The following CAMK1D variants were observed in gnomAD, a reference collection of about 807,000 sequenced individuals.
CAMK1D encodes the protein calcium/calmodulin dependent protein kinase ID, also known as calcium/calmodulin-dependent protein kinase type 1D.
Under a neutral mutation model 47.7 loss-of-function variants are expected in CAMK1D, and 9 were observed. That is an observed-to-expected ratio of 0.19 (90% confidence interval 0.11 to 0.33). The LOEUF (loss-of-function observed/expected upper bound fraction) is 0.33. CAMK1D is among the 10% of genes least tolerant of loss of function. CAMK1D has a pLI of 1.00. For synonymous variants in CAMK1D, 184 were observed against 184.9 expected (o/e 0.99, Z 0.04); for missense variants, 291 against 488.7 (o/e 0.60, Z 3.81).
chr10:12,370,839 G>A (rs945631528), intron 1 of CAMK1D, among the ~76,000 whole-genome samples: 3 of 151,998 alleles, frequency 2.0e-5, no homozygotes, highest in Non-Finnish European at 4.4e-5. Flanking sequence ...AACTCCTGAC[G>A]TCAGGTGATC....
chr10:12,482,563 G>C (rs1023950090), intron 1 of CAMK1D, among the ~76,000 whole-genome samples: 3 of 152,092 alleles, frequency 2.0e-5, no homozygotes, highest in African/African-American at 7.2e-5. Flanking sequence ...GAATAGCAGA[G>C]AAAATGAAAA....
intron 1 of CAMK1D, among the ~76,000 whole-genome samples, chr10:12,376,162 C>CAAAAAAAAAAAAAAA (rs59804213): frequency 3.8e-4 from 23 of 59,970 alleles, no homozygotes; most frequent in Admixed American, 1.1e-3. Flanking sequence ...GACTCTGTCC[C>CAAAAAAAAAAAAAAA]AAAAAAAAAA....
intron 1 of CAMK1D, among the ~76,000 whole-genome samples, chr10:12,498,936 A>G (rs1834620696): frequency 1.3e-5 from 2 of 152,266 alleles, no homozygotes. Flanking sequence ...ATGTCATCTA[A>G]TTAAGGATTT....
intron 6 of CAMK1D, among the ~76,000 whole-genome samples, chr10:12,792,822 C>T (rs1838036350): frequency 1.3e-5 from 2 of 152,186 alleles, no homozygotes. Context: ...TAACATATTG[C>T]ACTTACAGAA....
intron 1 of CAMK1D, among the ~76,000 whole-genome samples, chr10:12,443,144 C>G (rs569655104): frequency 3.3e-5 from 5 of 151,990 alleles, no homozygotes; most frequent in East Asian, 1.9e-4. Context: ...AAAACAGATT[C>G]AAAGATGTGA....
At chr10:12,711,334 A>C (rs538647543) in intron 3 of CAMK1D, among the ~76,000 whole-genome samples, 1 of 152,284 alleles carries the variant, frequency 6.6e-6, no homozygotes, top group African/African-American at 2.4e-5. Flanking sequence ...ACCTTGCTTT[A>C]GGGGACAGGC....
chr10:12,688,458 T>C (rs905262175), intron 3 of CAMK1D, among the ~76,000 whole-genome samples: 11 of 152,218 alleles, frequency 7.2e-5, no homozygotes, highest in Non-Finnish European at 4.4e-5. Context: ...GAGAGAAAGA[T>C]TTAAAGAATT....
Position 12,824,020 on chromosome 10 carries a change from G to T in CAMK1D, c.834-445G>T, listed in dbSNP as rs11258015. ...AGCTGGGAAGCAAGGCCGGGAAGGGGTCTGGTGCTGAGACCAGTTGGGGAA... is the reference window on the plus strand; with the variant it reads ...AGCTGGGAAGCAAGGCCGGGAAGGGTTCTGGTGCTGAGACCAGTTGGGGAA... On this transcript the variant is annotated intron_variant, in intron 8 of 10. Transcript: ENST00000619168. 1.7e-4 allele frequency among the ~76,000 whole-genome samples: 26 copies of T among 152,178 alleles called. No homozygotes were observed. The East Asian group carries it at 5.1e-3, about 30-fold the overall frequency.
At chr10:12,368,749 A>AG (rs1172825388) in intron 1 of CAMK1D, among the ~76,000 whole-genome samples, 1 of 151,888 alleles carries the variant, frequency 6.6e-6, no homozygotes, top group African/African-American at 2.4e-5. Flanking sequence ...GTCTCAAAAA[A>AG]AAAAAAAAAG....
intron 3 of CAMK1D, among the ~76,000 whole-genome samples, chr10:12,742,550 A>T (rs1835479258): frequency 6.6e-6 from 1 of 152,228 alleles, no homozygotes; most frequent in African/African-American, 2.4e-5. Flanking sequence ...GAACGTTTTC[A>T]TCACCCTAAT....
intron 2 of CAMK1D, among the ~76,000 whole-genome samples, chr10:12,613,304 C>T (rs1482317105): frequency 6.6e-6 from 1 of 152,190 alleles, no homozygotes; most frequent in East Asian, 1.9e-4. Context: ...CTCTTGCTCA[C>T]TGCAGCAGCA....
At position 12,761,083 on chromosome 10, in the gene CAMK1D, C is replaced by T; in HGVS notation, c.435C>T (p.Leu145=). 6.2e-7 allele frequency: 1 copy of T among 1,613,614 alleles called. No individual in the cohort carries two copies. Among genetic ancestry groups the T allele is most frequent in the South Asian group, 1.1e-5 (1 of 91,054 alleles). The change falls in exon 4 of 11, where the codon CTC becomes CTT. Residue 145 remains leucine (L), a synonymous_variant. Transcript: ENST00000619168. ...LHRMGIVHRD[L]KPENLLYYSQ... Reference sequence around the variant, plus strand: ...GAATGGGCATCGTCCACAGAGACCTCAAGGTGAGGCCATCGCTCAGCAGCA... The same window carrying T: ...GAATGGGCATCGTCCACAGAGACCTTAAGGTGAGGCCATCGCTCAGCAGCA...
At chr10:12,621,712 T>C (rs1013665825) in intron 2 of CAMK1D, among the ~76,000 whole-genome samples, 1 of 152,270 alleles carries the variant, frequency 6.6e-6, no homozygotes, top group African/African-American at 2.4e-5. Context: ...GGTGTCCGTA[T>C]GTTCATTGCT....
intron 5 of CAMK1D, among the ~76,000 whole-genome samples, chr10:12,783,071 C>G (rs1361022772): frequency 6.6e-6 from 1 of 150,772 alleles, no homozygotes; most frequent in African/African-American, 2.4e-5. Context: ...TGGCTCACTG[C>G]AACCTCCACC....
intron 2 of CAMK1D, among the ~76,000 whole-genome samples, chr10:12,615,344 G>A (rs1838749296): frequency 6.6e-6 from 1 of 152,210 alleles, no homozygotes; most frequent in African/African-American, 2.4e-5. Flanking sequence ...ATATATTGGA[G>A]TAATTAATTT....
intron 1 of CAMK1D, among the ~76,000 whole-genome samples, chr10:12,443,020 G>A (rs192362787): frequency 3.3e-5 from 5 of 151,826 alleles, no homozygotes; most frequent in Non-Finnish European, 5.9e-5. Context: ...GCTTTCTAAC[G>A]TTTCCCATCA....
chr10:12,483,954 TC>T (rs1355645188), intron 1 of CAMK1D, among the ~76,000 whole-genome samples: 1 of 152,158 alleles, frequency 6.6e-6, no homozygotes, highest in Non-Finnish European at 1.5e-5. Context: ...CCCAAAGTGC[TC>T]CCAAAGGCAT....
At chr10:12,410,509 C>G (rs141818476) in intron 1 of CAMK1D, among the ~76,000 whole-genome samples, 1 of 152,322 alleles carries the variant, frequency 6.6e-6, no homozygotes, top group African/African-American at 2.4e-5. Flanking sequence ...ACAACTCTGT[C>G]TCCTTGTAAT....
chr10:12,422,370 G>A (rs180885726), intron 1 of CAMK1D, among the ~76,000 whole-genome samples: 2 of 152,362 alleles, frequency 1.3e-5, no homozygotes, highest in East Asian at 1.9e-4. Context: ...TTTTCAGCGT[G>A]TGTTGGTAAT....
Sources: allele counts gnomAD v4.1 joint callset (sites outside exome capture counted in the v4.1 genomes callset), GRCh38; gene constraint gnomAD v4.1.1; transcripts MANE v1.5; gene names NCBI Gene and HGNC (gene_info 2026-07-23, HGNC 2026-07-21).